The following NUDT7 variants were observed in gnomAD, a reference collection of about 807,000 sequenced individuals.
NUDT7 encodes peroxisomal coenzyme A diphosphatase NUDT7.
Under a neutral mutation model 13.1 loss-of-function variants are expected in NUDT7, and 19 were observed. The ratio of observed to expected loss-of-function variants is 1.45; its 90% CI spans 1.01 to 2.13. The LOEUF (loss-of-function observed/expected upper bound fraction) is 2.13, where lower values mean the gene tolerates loss of function less well. Ranked by LOEUF, NUDT7 falls within the 30% of genes most tolerant of loss-of-function variation. NUDT7 has a pLI of 0.00. For missense variants in NUDT7, 360 were observed against 291.7 expected (o/e 1.23, Z -1.71); for synonymous variants, 132 against 109.7 (o/e 1.20, Z -1.27).
chr16:77,725,318 T>C (rs2145102006), intron 1 of NUDT7, 113 bp from the exon 2 acceptor site: 1 of 874,664 alleles, frequency 1.1e-6, no homozygotes, highest in Non-Finnish European at 1.7e-6. Context: ...ACACAGAGAG[T>C]CAGAAATGGC....
intron 2 of NUDT7, among the ~76,000 whole-genome samples, chr16:77,726,718 A>T (rs746194193): frequency 3.9e-5 from 6 of 152,144 alleles, no homozygotes; most frequent in Non-Finnish European, 8.8e-5. Flanking sequence ...AAACACTTGA[A>T]ACCAGGAGGC....
intron 3 of NUDT7, among the ~76,000 whole-genome samples, chr16:77,741,265 A>C (rs1264399722): frequency 6.6e-6 from 1 of 152,210 alleles, no homozygotes; most frequent in African/African-American, 2.4e-5. Flanking sequence ...GGAATTTATC[A>C]TACAGATACA....
intron 3 of NUDT7, among the ~76,000 whole-genome samples, chr16:77,738,324 G>A (rs995418942): frequency 4.6e-5 from 7 of 152,136 alleles, no homozygotes; most frequent in Non-Finnish European, 5.9e-5. Context: ...AGTGTCTCTG[G>A]GAGATTCCTG....
rs776261656 is a variant in NUDT7 at position 77,741,921 on chromosome 16, G to C, written c.688G>C (p.Val230Leu). ...ATCCTCTGAAGAGTTATTCCTGAAG[G>C]TTCATAAAAAAGCTACAAGCAGGTT... is the stretch of plus-strand genomic sequence containing the variant. ...LASSEELFLK[V>L]HKKATSRL is the part of the protein sequence containing the mutation. Residue 230 changes from valine to leucine, a missense_variant, in exon 4 of 4, where the codon GTT becomes CTT. Val to Leu is a conservative substitution (Grantham distance 32). Transcript: ENST00000268533. The C allele has an allele frequency of 1.2e-6, 2 of 1,605,062 alleles. No individual in the cohort carries two copies. The highest frequency in any genetic ancestry group is 1.7e-5 in the Admixed American group (1 of 58,586).
intron 3 of NUDT7, among the ~76,000 whole-genome samples, chr16:77,738,573 C>A (rs971795261): frequency 6.6e-6 from 1 of 152,094 alleles, no homozygotes; most frequent in Non-Finnish European, 1.5e-5. Context: ...TTGGTAATGT[C>A]TGGAGATCAT....
intron 1 of NUDT7, among the ~76,000 whole-genome samples, chr16:77,723,669 G>T (rs992184196): frequency 6.9e-6 from 1 of 144,816 alleles, no homozygotes; most frequent in African/African-American, 2.7e-5. Flanking sequence ...TCGGCTCACT[G>T]CAGCCTCTGC....
chr16:77,726,728 C>T (rs1280897560), intron 2 of NUDT7, among the ~76,000 whole-genome samples: 4 of 152,000 alleles, frequency 2.6e-5, no homozygotes, highest in South Asian at 2.1e-4. Flanking sequence ...AACCAGGAGG[C>T]GGAGGTTGCA....
At chr16:77,736,626 T>C in intron 3 of NUDT7, 1 of 236,962 alleles carries the variant, frequency 4.2e-6, no homozygotes, top group Non-Finnish European at 8.9e-6. Flanking sequence ...CATCTTATTT[T>C]CTTTTTTATT....
chr16:77,738,263 G>A (rs1318918162), intron 3 of NUDT7, among the ~76,000 whole-genome samples: 1 of 152,160 alleles, frequency 6.6e-6, no homozygotes, highest in African/African-American at 2.4e-5. Context: ...GTCCCCAGGT[G>A]CTACTGAGTT....
Position 77,741,809 on chromosome 16 carries a change from G to T in NUDT7, c.576G>T (p.Thr192=), listed in dbSNP as rs202014139. 1.2e-4 allele frequency: 195 copies of T among 1,614,082 alleles called. No individual in the cohort carries two copies. In the African/African-American group the frequency reaches 2.2e-3, roughly 19 times the overall value. The change falls in exon 4 of 4, where the codon ACG becomes ACT. Residue 192 remains threonine, a synonymous_variant. Transcript: ENST00000268533. The stretch of plus-strand genomic sequence containing the variant: ...TCACTTACCAGATCAAGGGAATGAC[G>T]GCAAACCTTGCAGTGTTGGTGGCCT... ...DGVTYQIKGM[T]ANLAVLVAFI... is the part of the protein sequence containing the mutation.
rs75657870 is a variant in NUDT7 at position 77,733,180 on chromosome 16, A to G, written c.190-2648A>G. 1.7e-3 allele frequency among the ~76,000 whole-genome samples: 256 copies of G among 152,346 alleles called. 1 individual carries two copies. Among genetic ancestry groups the G allele is most frequent in the African/African-American group, 5.8e-3 (240 of 41,588 alleles). ...AAGCCTATAAAATATCAAAAAGTTT[A>G]TCATGGCATTGTCATAGTCCTCTCA... On this transcript the variant is annotated intron_variant, in intron 2 of 3. Coordinates refer to ENST00000268533, the MANE Select transcript of NUDT7 (RefSeq NM_001105663.3).
At position 77,734,210 on chromosome 16, in the gene NUDT7, A is replaced by T. The variant is rs906167732; in HGVS notation, c.190-1618A>T. Reference sequence around the variant, plus strand: ...TAAATGTGTGTTGTACTGATTAAAAACACAGGCTCGTAAATTAAACACTGG... The same window carrying T: ...TAAATGTGTGTTGTACTGATTAAAATCACAGGCTCGTAAATTAAACACTGG... On this transcript the variant is annotated intron_variant, in intron 2 of 3. Coordinates refer to ENST00000268533, the MANE Select transcript of NUDT7 (RefSeq NM_001105663.3). 2.0e-5 allele frequency among the ~76,000 whole-genome samples: 3 copies of T among 152,312 alleles called. No homozygotes were observed. The East Asian group carries it at 5.8e-4, about 29-fold the overall frequency.
In NUDT7 at chr16:77,735,941, T is replaced by C. The variant is rs1016481283; in HGVS notation, c.303T>C (p.Pro101=). 3 of 1,613,962 alleles carry C rather than the reference T, an allele frequency of 1.9e-6. No individual in the cohort carries two copies. The African/African-American group carries it at 4.0e-5, about 22-fold the overall frequency. Residue 101 remains proline (P), a synonymous_variant, in exon 3 of 4, where the codon CCT becomes CCC. Coordinates refer to ENST00000268533, the MANE Select transcript of NUDT7 (RefSeq NM_001105663.3). ...CCCAGGAGGAAGTGGGTCTCCGTCC[T>C]CACCAAGTGGAAGTTGTCTGCTGCC... The part of the protein sequence containing the change: ...REAQEEVGLR[P]HQVEVVCCLV...
intron 3 of NUDT7, among the ~76,000 whole-genome samples, chr16:77,738,676 G>A (rs2014565230): frequency 6.6e-6 from 1 of 152,054 alleles, no homozygotes; most frequent in Non-Finnish European, 1.5e-5. Flanking sequence ...CCAAGTTCAA[G>A]CAATTCTCCT....
intron 3 of NUDT7, among the ~76,000 whole-genome samples, chr16:77,740,580 G>C (rs547766373): frequency 4.5e-4 from 69 of 152,164 alleles, no homozygotes; most frequent in African/African-American, 1.4e-3. Context: ...GCCTCTCTCT[G>C]TCACCCAGGC....
At chr16:77,740,734 G>A (rs1172493785) in intron 3 of NUDT7, among the ~76,000 whole-genome samples, 1 of 151,942 alleles carries the variant, frequency 6.6e-6, no homozygotes, top group East Asian at 1.9e-4. Flanking sequence ...TTTTAGTAGA[G>A]ACGGGATTTC....
intron 1 of NUDT7, among the ~76,000 whole-genome samples, chr16:77,724,377 T>G (rs1435131020): frequency 1.3e-5 from 2 of 152,022 alleles, no homozygotes; most frequent in Non-Finnish European, 2.9e-5. Flanking sequence ...TCCTCCCACT[T>G]CCGCCTTCCA....
At chr16:77,740,937 A>G (rs2014639059) in intron 3 of NUDT7, among the ~76,000 whole-genome samples, 2 of 152,360 alleles carry the variant, frequency 1.3e-5, no homozygotes, top group African/African-American at 4.8e-5. Context: ...AGTAGTTCAC[A>G]TATAGTTATA....
At position 77,731,464 on chromosome 16, in the gene NUDT7, T is replaced by C. The variant is rs1876425345; in HGVS notation, c.190-4364T>C. On this transcript the variant is annotated intron_variant, in intron 2 of 3. Coordinates refer to ENST00000268533, the MANE Select transcript of NUDT7 (RefSeq NM_001105663.3). Reference sequence around the variant, plus strand: ...GCACAAGACATTACTCACATGTTTGTGGTGATGCTGGTGTAAACAAACCTA... The same window carrying C: ...GCACAAGACATTACTCACATGTTTGCGGTGATGCTGGTGTAAACAAACCTA... Among the ~76,000 whole-genome samples the C allele has an allele frequency of 2.0e-5, 3 of 152,178 alleles. No homozygotes were observed. In the South Asian group the frequency reaches 6.2e-4, roughly 31 times the overall value.
Sources: allele counts gnomAD v4.1 joint callset (sites outside exome capture counted in the v4.1 genomes callset), GRCh38; gene constraint gnomAD v4.1.1; transcripts MANE v1.5; gene names NCBI Gene and HGNC (gene_info 2026-07-23, HGNC 2026-07-21).